Variants in TEC observed in about 807,000 individuals in gnomAD.
TEC encodes tyrosine-protein kinase Tec.
In TEC, 72 loss-of-function variants were observed where a neutral mutation model predicts 93.0. The observed-to-expected ratio is 0.77, with a 90% CI of 0.64 to 0.94. TEC has a LOEUF of 0.94. TEC is among the 40% of genes least tolerant of loss of function. The pLI is 0.00. For synonymous variants in TEC, 249 were observed against 247.7 expected, an observed-to-expected ratio of 1.01 and a Z score of -0.05; for missense variants, 630 against 757.9, an observed-to-expected ratio of 0.83 and a Z score of 1.98.
intron 8 of TEC, among the ~76,000 whole-genome samples, chr4:48,157,556 C>T (rs903306483): frequency 2.0e-5 from 3 of 152,192 alleles, no homozygotes; most frequent in Non-Finnish European, 4.4e-5. Context: ...TGCTCCATTA[C>T]CCAGACTAAA....
chr4:48,141,312 A>T (rs755178029), intron 15 of TEC, 43 bp downstream of exon 15: 2 of 1,569,158 alleles, frequency 1.3e-6, no homozygotes, highest in Non-Finnish European at 1.8e-6. Context: ...ATTCCACCAA[A>T]AAAATGCAAA....
rs753368684 is a variant in TEC at position 48,138,733 on chromosome 4, G to A, written c.1744C>T (p.His582Tyr). Residue 582 changes from histidine (H) to tyrosine (Y), a missense_variant, in exon 17 of 18, where the codon CAC becomes TAC. Coordinates refer to ENST00000381501, the MANE Select transcript of TEC (RefSeq NM_003215.3). Reference protein sequence around the residue: ...YEVVTMVTRGHRLYQPKLASN... With the variant: ...YEVVTMVTRGYRLYQPKLASN... Reference sequence around the variant, plus strand: ...GCCAACTTCGGCTGGTAGAGTCGGTGGCCTCGAGTAACCATGGTTACCACT... The same window carrying A: ...GCCAACTTCGGCTGGTAGAGTCGGTAGCCTCGAGTAACCATGGTTACCACT... The A allele has an allele frequency of 3.1e-6, 5 of 1,614,144 alleles. 1 individual carries two copies. In the South Asian group the frequency reaches 4.4e-5, roughly 14 times the overall value.
At chr4:48,212,349 G>T (rs1169582566) in intron 2 of TEC, among the ~76,000 whole-genome samples, 1 of 152,018 alleles carries the variant, frequency 6.6e-6, no homozygotes, top group Admixed American at 6.6e-5. Flanking sequence ...TATGAATAGA[G>T]GTGGTCAGTG....
intron 6 of TEC, 70 bp downstream of exon 6, chr4:48,168,516 C>T: frequency 6.5e-7 from 1 of 1,527,802 alleles, no homozygotes; most frequent in Admixed American, 1.7e-5. Context: ...AAGTCACAAA[C>T]ACTACCAAAA....
intron 2 of TEC, among the ~76,000 whole-genome samples, chr4:48,179,345 TATATATATATATATATATATATATATATA>T (rs1252527480): frequency 1.5e-4 from 4 of 26,860 alleles, no homozygotes; most frequent in Non-Finnish European, 2.7e-4. Context: ...GTAGTATATA[TATATATATATATATATATATATATATATA>T]TATTTTTTTT....
chr4:48,176,019 A>G, intron 3 of TEC, 63 bp downstream of exon 3: 2 of 1,259,214 alleles, frequency 1.6e-6, no homozygotes, highest in Non-Finnish European at 2.3e-6. Context: ...AGGAAACTGT[A>G]ATGTCAAAGA....
intron 2 of TEC, among the ~76,000 whole-genome samples, chr4:48,182,281 T>C (rs1457214623): frequency 1.2e-5 from 1 of 83,894 alleles, no homozygotes; most frequent in African/African-American, 5.9e-5. Flanking sequence ...CGAGACTCCA[T>C]CTCAAAAAAA....
At chr4:48,238,583 T>G (rs1577664624) in intron 1 of TEC, among the ~76,000 whole-genome samples, 4 of 152,112 alleles carry the variant, frequency 2.6e-5, no homozygotes, top group Admixed American at 2.6e-4. Context: ...AGGGGACATG[T>G]GAACCTAGAA....
Position 48,233,347 on chromosome 4 carries a change from T to G in TEC, c.-45-4688A>C, listed in dbSNP as rs11721395. ...TGAAGCTTCCAATTGACACTTTTTT[T>G]TTTTTTTTTTTTTAAAGACAAGGTC... On this transcript the variant is annotated intron_variant, in intron 1 of 17. Coordinates refer to ENST00000381501, the MANE Select transcript of TEC (RefSeq NM_003215.3). Among the ~76,000 whole-genome samples the G allele has an allele frequency of 3.9e-4, 49 of 125,780 alleles. 1 individual carries two copies. Among genetic ancestry groups the G allele is most frequent in the African/African-American group, 5.5e-4 (20 of 36,424 alleles). The allele number at this position is 125,780 out of a possible 152,430, so 82.5% of individuals were successfully genotyped here. A position where few individuals can be genotyped will look rare whatever the true frequency, so the allele number is the denominator to read the frequency against.
intron 8 of TEC, among the ~76,000 whole-genome samples, chr4:48,161,817 A>T (rs1720676020): frequency 6.6e-6 from 1 of 152,116 alleles, no homozygotes; most frequent in Non-Finnish European, 1.5e-5. Context: ...CAGCACAACC[A>T]GAATAAAAGC....
intron 8 of TEC, 45 bp downstream of exon 8, chr4:48,163,657 A>T (rs1361088647): frequency 8.1e-7 from 1 of 1,238,810 alleles, no homozygotes; most frequent in African/African-American, 1.5e-5. Context: ...TAGGAAAATG[A>T]AAAGTTTCTG....
At chr4:48,230,412 G>C (rs1723612832) in intron 1 of TEC, among the ~76,000 whole-genome samples, 1 of 152,128 alleles carries the variant, frequency 6.6e-6, no homozygotes, top group Non-Finnish European at 1.5e-5. Context: ...TGAGATATGG[G>C]CAAGAACTGA....
At chr4:48,163,877 A>G (rs935867942) in intron 7 of TEC, 110 bp from the exon 8 acceptor site, 2 of 556,794 alleles carry the variant, frequency 3.6e-6, no homozygotes, top group Admixed American at 4.2e-5. Flanking sequence ...AAAGCTTATT[A>G]TAAGAAAGAC....
At chr4:48,265,355 A>G (rs1274852131) in intron 1 of TEC, among the ~76,000 whole-genome samples, 2 of 150,484 alleles carry the variant, frequency 1.3e-5, no homozygotes, top group South Asian at 2.1e-4. Flanking sequence ...ATAGAGGGGG[A>G]AAAATTACCA....
At chr4:48,212,108 A>ATATATATATAT (rs1317959461) in intron 2 of TEC, among the ~76,000 whole-genome samples, 2 of 86,584 alleles carry the variant, frequency 2.3e-5, no homozygotes, top group Non-Finnish European at 4.8e-5. Flanking sequence ...CAAAAAAAAA[A>ATATATATATAT]AAATATATAT....
intron 14 of TEC, among the ~76,000 whole-genome samples, chr4:48,144,589 A>G (rs1577695655): frequency 6.6e-6 from 1 of 152,218 alleles, no homozygotes; most frequent in African/African-American, 2.4e-5. Context: ...AGAAGTTAAC[A>G]TGAACCTCCA....
chr4:48,200,719 C>CT (rs1577630382), intron 2 of TEC, among the ~76,000 whole-genome samples: 2 of 152,226 alleles, frequency 1.3e-5, no homozygotes, highest in African/African-American at 4.8e-5. Context: ...GGCAAAGCTG[C>CT]TAAAGGGATC....
At chr4:48,157,343 A>G (rs1720443202) in intron 8 of TEC, among the ~76,000 whole-genome samples, 2 of 152,310 alleles carry the variant, frequency 1.3e-5, no homozygotes, top group Non-Finnish European at 1.5e-5. Flanking sequence ...ACGGCAAAAC[A>G]TAAGCACAGG....
rs1053345433 is a variant in TEC, at chr4:48,232,016, C to T, written c.-45-3357G>A. Among the ~76,000 whole-genome samples the T allele has an allele frequency of 1.6e-4, 25 of 152,212 alleles. 1 individual carries two copies. Among genetic ancestry groups the T allele is most frequent in the Admixed American group, 1.2e-3 (19 of 15,300 alleles). ...AAAAATCACCTTATCTGTCCATGTG[C>T]GGTGGCTCATGCCTGTAATCCTAGC... is the stretch of plus-strand genomic sequence containing the variant. On this transcript the variant is annotated intron_variant, in intron 1 of 17. Transcript: ENST00000381501.
Sources: gnomAD v4.1 joint callset for allele counts (sites outside exome capture counted in the v4.1 genomes callset) on GRCh38, gnomAD v4.1.1 for gene constraint, MANE v1.5 for transcripts, NCBI Gene and HGNC (gene_info 2026-07-23, HGNC 2026-07-21) for gene names.